GALK2: variants seen among roughly 807,000 people sequenced by gnomAD.
GALK2 encodes N-acetylgalactosamine kinase.
In GALK2, 36 loss-of-function variants were observed where a neutral mutation model predicts 52.4. That is an observed-to-expected ratio of 0.69 (90% CI 0.53 to 0.91). GALK2 has a LOEUF of 0.91. Among genes scored for constraint, GALK2 ranks in the 40% least tolerant of loss-of-function variants. The pLI, the probability that GALK2 is intolerant of heterozygous loss-of-function variation, is 0.00. For synonymous variants in GALK2, 176 were observed against 199.1 expected (o/e 0.88, Z 0.98); for missense variants, 579 against 559.1 (o/e 1.04, Z -0.36).
Position 49,259,914 on chromosome 15 carries a change from C to A in GALK2, c.504+20547C>A, listed in dbSNP as rs183829904. ...GTCCCTACAAAGGATATGAACTCAT[C>A]ATTTTTTATGGCTGCATAGTATTCC... On this transcript the variant is annotated intron_variant, in intron 5 of 9. Coordinates refer to ENST00000560031, the MANE Select transcript of GALK2 (RefSeq NM_002044.4). Among the ~76,000 whole-genome samples, 23 of 151,946 alleles carry A rather than the reference C, an allele frequency of 1.5e-4. No individual in the cohort carries two copies. In the East Asian group the frequency reaches 4.5e-3, roughly 29 times the overall value.
intron 3 of GALK2, among the ~76,000 whole-genome samples, chr15:49,362,499 AC>A (rs1435572577): frequency 2.0e-5 from 3 of 150,424 alleles, no homozygotes; most frequent in African/African-American, 7.3e-5. Context: ...ACCGACTAAT[AC>A]ACTTATAGAT....
At chr15:49,181,830 T>C (rs1232719677) in intron 1 of GALK2, among the ~76,000 whole-genome samples, 1 of 152,130 alleles carries the variant, frequency 6.6e-6, no homozygotes, top group Non-Finnish European at 1.5e-5. Context: ...TCTCTATCTC[T>C]GTTTTAATTT....
At chr15:49,205,318 G>C (rs1277517043) in intron 2 of GALK2, among the ~76,000 whole-genome samples, 1 of 152,124 alleles carries the variant, frequency 6.6e-6, no homozygotes, top group Non-Finnish European at 1.5e-5. Flanking sequence ...GTTTTCCATA[G>C]CAGCTGTACT....
chr15:49,322,814 G>A (rs143778318), intron 9 of GALK2, among the ~76,000 whole-genome samples: 1,791 of 152,066 alleles, frequency 0.012, 19 homozygotes, highest in Middle Eastern at 0.031. Flanking sequence ...AAAATTAGCC[G>A]AGCGTGGCGG....
At chr15:49,187,868 A>C (rs2086470712) in intron 1 of GALK2, among the ~76,000 whole-genome samples, 1 of 151,958 alleles carries the variant, frequency 6.6e-6, no homozygotes, top group Non-Finnish European at 1.5e-5. Flanking sequence ...GAGTCCAAAA[A>C]TGCCATCCAG....
At chr15:49,326,647 TA>T (rs1327539543) in intron 9 of GALK2, among the ~76,000 whole-genome samples, 2 of 152,204 alleles carry the variant, frequency 1.3e-5, no homozygotes, top group Non-Finnish European at 2.9e-5. Flanking sequence ...AGAAATTTTT[TA>T]GCCTGGATGA....
chr15:49,342,743 T>C (rs2040927239), intron 3 of GALK2, among the ~76,000 whole-genome samples: 1 of 152,156 alleles, frequency 6.6e-6, no homozygotes, highest in South Asian at 2.1e-4. Flanking sequence ...ATTCCCTTAG[T>C]GCTTGCGTGT....
At position 49,328,129 on chromosome 15, in the gene GALK2, A is replaced by G; in HGVS notation, c.1347A>G (p.Gly449=). 3 of 1,614,020 alleles carry G rather than the reference A, an allele frequency of 1.9e-6. No individual in the cohort carries two copies. The highest frequency in any genetic ancestry group is 2.5e-6 in the Non-Finnish European group (3 of 1,179,970). The change falls in exon 10 of 10, where the codon GGA becomes GGG. Residue 449 remains glycine, a synonymous_variant. Coordinates refer to ENST00000560031, the MANE Select transcript of GALK2 (RefSeq NM_002044.4). ...AAAGTTTGTTTGCTACCAAACCTGG[A>G]GGTGGGGCTTTGGTTTTGCTTGAGG... ...EKQSLFATKP[G]GGALVLLEA
chr15:49,171,324 C>T lies in GALK2; in HGVS notation c.53+949C>T, dbSNP rs1356040153. Among the ~76,000 whole-genome samples the T allele has an allele frequency of 2.6e-5, 4 of 152,190 alleles. No individual in the cohort carries two copies. In the East Asian group the frequency reaches 7.7e-4, roughly 29 times the overall value. The stretch of plus-strand genomic sequence containing the variant: ...CTCGAGCTCCTGAGCTCAAGTGATC[C>T]GCTCACCCTGGCCTCCCAAAGTGCT... On this transcript the variant is annotated intron_variant, in intron 1 of 9. Transcript: ENST00000560031.
chr15:49,314,554 A>G (rs2036250957), intron 8 of GALK2, among the ~76,000 whole-genome samples: 1 of 152,220 alleles, frequency 6.6e-6, no homozygotes, highest in African/African-American at 2.4e-5. Flanking sequence ...CAGTTTTGTT[A>G]CAAGGAGAAG....
At chr15:49,365,912 T>C (rs2045092919) in intron 3 of GALK2, 4 of 961,964 alleles carry the variant, frequency 4.2e-6, no homozygotes, top group South Asian at 3.8e-5. Context: ...TACAGACTCA[T>C]TGCTGATACT....
At chr15:49,205,079 T>G (rs567117789) in intron 2 of GALK2, among the ~76,000 whole-genome samples, 1 of 152,312 alleles carries the variant, frequency 6.6e-6, no homozygotes, top group East Asian at 1.9e-4. Context: ...ATACCACAGT[T>G]TCTTTATCTA....
intron 3 of GALK2, among the ~76,000 whole-genome samples, chr15:49,362,490 C>A (rs915021010): frequency 6.6e-6 from 1 of 150,810 alleles, no homozygotes; most frequent in African/African-American, 2.4e-5. Context: ...AGCATGAAAA[C>A]CGACTAATAC....
intron 3 of GALK2, among the ~76,000 whole-genome samples, chr15:49,354,704 A>G (rs139934024): frequency 0.012 from 1,765 of 152,204 alleles, 31 homozygotes; most frequent in African/African-American, 0.04. Context: ...GGTAAACAAA[A>G]CAGTCGGGAA....
chr15:49,361,894 C>A (rs1031949002), intron 3 of GALK2, among the ~76,000 whole-genome samples: 5 of 152,130 alleles, frequency 3.3e-5, no homozygotes, highest in Non-Finnish European at 7.4e-5. Flanking sequence ...TCTCTGCAAC[C>A]TCTCCAGAAT....
chr15:49,283,849 G>T (rs1256059041), intron 7 of GALK2, 131 bp downstream of exon 7: 19 of 857,370 alleles, frequency 2.2e-5, no homozygotes. Context: ...TCCAACTGAA[G>T]GTCTTTGGGT....
At chr15:49,257,637 A>G (rs968810046) in intron 5 of GALK2, among the ~76,000 whole-genome samples, 3 of 152,154 alleles carry the variant, frequency 2.0e-5, no homozygotes, top group African/African-American at 7.2e-5. Context: ...GTTAAAAATT[A>G]TAAATATTGA....
At chr15:49,228,192 A>G (rs973486171) in intron 3 of GALK2, among the ~76,000 whole-genome samples, 2 of 152,166 alleles carry the variant, frequency 1.3e-5, no homozygotes, top group African/African-American at 2.4e-5. Context: ...ATAATGTGCC[A>G]TGGAGAAGAC....
At chr15:49,244,529 A>C (rs748280405) in intron 5 of GALK2, among the ~76,000 whole-genome samples, 23 of 152,138 alleles carry the variant, frequency 1.5e-4, no homozygotes, top group Admixed American at 2.6e-4. Context: ...AATATTAATA[A>C]ATTTTAGTTT....
Sources: allele counts gnomAD v4.1 joint callset (sites outside exome capture counted in the v4.1 genomes callset), GRCh38; gene constraint gnomAD v4.1.1; transcripts MANE v1.5; gene names NCBI Gene and HGNC (gene_info 2026-07-23, HGNC 2026-07-21).